Variants in AGBL4 observed in about 807,000 individuals in gnomAD.
The protein encoded by AGBL4 is cytosolic carboxypeptidase 6.
AGBL4 carries 58 observed loss-of-function variants against 66.4 expected under a neutral mutation model. The ratio of observed to expected loss-of-function variants is 0.87; its 90% CI spans 0.71 to 1.09. AGBL4 has a LOEUF of 1.09. Ranked by LOEUF, AGBL4 falls within the 50% of genes least tolerant of loss-of-function variation. The pLI is 0.00. For missense variants in AGBL4, 579 were observed against 631.0 expected (o/e 0.92, Z 0.88); for synonymous variants, 234 against 222.9 (o/e 1.05, Z -0.44).
In AGBL4 at chr1:49,766,572, CAT is replaced by C. The variant is rs1315189009; in HGVS notation, c.158-69137_158-69136del. Among the ~76,000 whole-genome samples the C allele has an allele frequency of 3.9e-5, 6 of 151,960 alleles. No individual in the cohort carries two copies. In the East Asian group the frequency reaches 1.2e-3, roughly 29 times the overall value. On this transcript the variant is annotated intron_variant, in intron 2 of 13. Coordinates refer to ENST00000371839, the MANE Select transcript of AGBL4 (RefSeq NM_032785.4). ...ACTTCACAATAGGATCAAAACCTCA[CAT>C]GTCAATATTACCTTGAATGAAAATG...
chr1:48,698,925 G>T (rs930083959), intron 6 of AGBL4, among the ~76,000 whole-genome samples: 1 of 152,206 alleles, frequency 6.6e-6, no homozygotes, highest in Non-Finnish European at 1.5e-5. Flanking sequence ...ACTGCTAGCT[G>T]CCCTTAGAAG....
rs556732634 is a variant in AGBL4 at position 49,167,049 on chromosome 1, T to C, written c.377+78721A>G. Among the ~76,000 whole-genome samples, 78 of 152,302 alleles carry C rather than the reference T, an allele frequency of 5.1e-4. 1 individual carries two copies. The highest frequency in any genetic ancestry group is 1.7e-3 in the African/African-American group (70 of 41,578). ...TCTTGTAGAGCTTCTGAATGTCTCT[T>C]ACCTAACCTTTTCCACACATAATTG... On this transcript the variant is annotated intron_variant, in intron 4 of 13. Coordinates refer to ENST00000371839, the MANE Select transcript of AGBL4 (RefSeq NM_032785.4).
chr1:49,464,431 A>C (rs1646581779), intron 3 of AGBL4, among the ~76,000 whole-genome samples: 1 of 151,786 alleles, frequency 6.6e-6, no homozygotes, highest in Admixed American at 6.6e-5. Flanking sequence ...ATTACAAATA[A>C]CGGAGGAAGC....
At chr1:49,723,464 A>C (rs747729536) in intron 2 of AGBL4, among the ~76,000 whole-genome samples, 12 of 152,062 alleles carry the variant, frequency 7.9e-5, no homozygotes, top group Non-Finnish European at 1.6e-4. Flanking sequence ...TTTGACCTCT[A>C]GATATCTGTA....
intron 5 of AGBL4, among the ~76,000 whole-genome samples, chr1:48,885,094 C>T (rs1476222736): frequency 6.6e-6 from 1 of 151,996 alleles, no homozygotes; most frequent in African/African-American, 2.4e-5. Flanking sequence ...TCATCTAGTC[C>T]AGGGGTGGCA....
At chr1:49,987,045 C>T (rs1027284489) in intron 1 of AGBL4, among the ~76,000 whole-genome samples, 38 of 151,904 alleles carry the variant, frequency 2.5e-4, no homozygotes, top group African/African-American at 8.9e-4. Flanking sequence ...AAACCACTTC[C>T]CTGCTGGTAA....
intron 3 of AGBL4, among the ~76,000 whole-genome samples, chr1:49,630,321 T>G (rs1415468041): frequency 6.6e-6 from 1 of 152,194 alleles, no homozygotes; most frequent in Non-Finnish European, 1.5e-5. Context: ...ATATTTCTGA[T>G]AGCCTTGGAG....
chr1:49,759,496 C>T (rs1469214214), intron 2 of AGBL4, among the ~76,000 whole-genome samples: 1 of 152,060 alleles, frequency 6.6e-6, no homozygotes, highest in Non-Finnish European at 1.5e-5. Flanking sequence ...AGAAAATGTC[C>T]ATTACAAAAA....
rs540912610 is a variant in AGBL4 at position 49,143,544 on chromosome 1, A to C, written c.378-97744T>G. ...ACTGTGAGTTCCGTGAGGGCAGGGA[A>C]TGTGCCATGCTTTTAACATTCTTCT... is the stretch of plus-strand genomic sequence containing the variant. On this transcript the variant is annotated intron_variant, in intron 4 of 13. Transcript: ENST00000371839. 7.9e-5 allele frequency among the ~76,000 whole-genome samples: 12 copies of C among 152,312 alleles called. No individual in the cohort carries two copies. In the South Asian group the frequency reaches 2.5e-3, roughly 32 times the overall value.
At chr1:48,881,623 A>T (rs1013314520) in intron 5 of AGBL4, among the ~76,000 whole-genome samples, 3 of 152,114 alleles carry the variant, frequency 2.0e-5, no homozygotes, top group African/African-American at 7.2e-5. Context: ...ACACATCTAG[A>T]TAGCGTTAAT....
chr1:48,539,496 C>CAGA (rs1277843579), intron 12 of AGBL4, 146 bp downstream of exon 12: 4 of 555,426 alleles, frequency 7.2e-6, no homozygotes, highest in African/African-American at 2.0e-5. Context: ...TCTTCTGCCC[C>CAGA]ATAAAATCTC....
chr1:49,717,428 A>G (rs938309957), intron 2 of AGBL4, among the ~76,000 whole-genome samples: 1 of 152,058 alleles, frequency 6.6e-6, no homozygotes, highest in African/African-American at 2.4e-5. Context: ...ATTCTATATG[A>G]GCTGCCCTCT....
chr1:48,651,771 A>G (rs1645934240), intron 8 of AGBL4, among the ~76,000 whole-genome samples: 2 of 152,214 alleles, frequency 1.3e-5, no homozygotes, highest in Non-Finnish European at 2.9e-5. Flanking sequence ...AACTCTGTGT[A>G]AAACAAGCCT....
chr1:48,733,670 C>T (rs1231701089), intron 6 of AGBL4, among the ~76,000 whole-genome samples: 1 of 152,154 alleles, frequency 6.6e-6, no homozygotes, highest in Non-Finnish European at 1.5e-5. Context: ...TGCACTGCTA[C>T]AATCCTAGGC....
chr1:49,771,130 T>C (rs1472090942), intron 2 of AGBL4, among the ~76,000 whole-genome samples: 1 of 152,150 alleles, frequency 6.6e-6, no homozygotes, highest in Non-Finnish European at 1.5e-5. Flanking sequence ...TTGTTGTACG[T>C]GCTTATTGCT....
intron 3 of AGBL4, among the ~76,000 whole-genome samples, chr1:49,504,889 TTTATTA>T (rs773930814): frequency 2.6e-5 from 4 of 151,974 alleles, no homozygotes; most frequent in Non-Finnish European, 5.9e-5. Context: ...TTTTTGTTGT[TTTATTA>T]TTATTATTTT....
At chr1:49,735,013 A>T (rs1488149272) in intron 2 of AGBL4, among the ~76,000 whole-genome samples, 1 of 152,150 alleles carries the variant, frequency 6.6e-6, no homozygotes, top group Non-Finnish European at 1.5e-5. Context: ...CAGTTAAAAG[A>T]GGAAAGAATA....
At chr1:48,687,975 C>T (rs1239923577) in intron 6 of AGBL4, among the ~76,000 whole-genome samples, 1 of 152,244 alleles carries the variant, frequency 6.6e-6, no homozygotes, top group South Asian at 2.1e-4. Context: ...TCATTACCCC[C>T]TGATGTGTAT....
chr1:48,944,904 C>G (rs1039371388), intron 5 of AGBL4, among the ~76,000 whole-genome samples: 1 of 152,178 alleles, frequency 6.6e-6, no homozygotes, highest in Non-Finnish European at 1.5e-5. Flanking sequence ...GAATCTAACT[C>G]CACCATAGGG....
Sources: allele counts gnomAD v4.1 joint callset (sites outside exome capture counted in the v4.1 genomes callset), GRCh38; gene constraint gnomAD v4.1.1; transcripts MANE v1.5; gene names NCBI Gene and HGNC (gene_info 2026-07-23, HGNC 2026-07-21).